The following CADM2 variants were observed in gnomAD, a reference collection of about 807,000 sequenced individuals.
CADM2 encodes the protein immunoglobulin superfamily member 4D.
A neutral mutation model predicts 49.8 loss-of-function variants in CADM2; 12 were observed. That is an observed-to-expected ratio of 0.24 (90% CI 0.15 to 0.39). The LOEUF is 0.39. CADM2 is among the 10% of genes least tolerant of loss of function. CADM2 has a pLI of 1.00. For missense variants in CADM2, 378 were observed against 492.3 expected, an observed-to-expected ratio of 0.77 and a Z score of 2.20; for synonymous variants, 214 against 175.4, an observed-to-expected ratio of 1.22 and a Z score of -1.74.
intron 1 of CADM2, among the ~76,000 whole-genome samples, chr3:85,353,406 T>C (rs1409859181): frequency 6.6e-6 from 1 of 152,152 alleles, no homozygotes; most frequent in Non-Finnish European, 1.5e-5. Flanking sequence ...TTAAAATTTA[T>C]ATTTCACTCC....
intron 1 of CADM2, among the ~76,000 whole-genome samples, chr3:84,969,298 T>A (rs1485365517): frequency 6.6e-6 from 1 of 151,966 alleles, no homozygotes; most frequent in Non-Finnish European, 1.5e-5. Context: ...TTTTGTTTGA[T>A]TATTTTACAC....
intron 1 of CADM2, among the ~76,000 whole-genome samples, chr3:85,254,681 G>A (rs7622974): frequency 0.068 from 10,321 of 152,098 alleles, 1,142 homozygotes; most frequent in African/African-American, 0.23. Flanking sequence ...TGAGACCAGA[G>A]TAACTGTGCA....
chr3:85,704,717 A>G (rs1420440787), intron 1 of CADM2, among the ~76,000 whole-genome samples: 2 of 152,084 alleles, frequency 1.3e-5, no homozygotes, highest in Non-Finnish European at 2.9e-5. Context: ...CCTTAAAAAA[A>G]CTAAGGTATA....
chr3:85,737,310 T>C (rs1295766836), intron 2 of CADM2, among the ~76,000 whole-genome samples: 1 of 152,144 alleles, frequency 6.6e-6, no homozygotes, highest in Admixed American at 6.5e-5. Context: ...ATAAACAATT[T>C]AGGTGGGAGG....
At chr3:85,657,465 A>G (rs890382253) in intron 1 of CADM2, among the ~76,000 whole-genome samples, 1 of 151,988 alleles carries the variant, frequency 6.6e-6, no homozygotes, top group Non-Finnish European at 1.5e-5. Flanking sequence ...TCAAATTACC[A>G]TGAGAAAAGA....
chr3:85,803,884 T>C (rs563023836), intron 3 of CADM2, among the ~76,000 whole-genome samples: 27 of 152,304 alleles, frequency 1.8e-4, no homozygotes, highest in African/African-American at 6.3e-4. Flanking sequence ...CCCAGTCATA[T>C]TGACATTTAA....
Position 85,530,990 on chromosome 3 carries a change from TTAAAATACCCTCTCCA to T in CADM2, c.62-195530_62-195515del, listed in dbSNP as rs2061297603. On this transcript the variant is annotated intron_variant, in intron 1 of 9. Transcript: ENST00000383699. ...AGATTTCTTGTCTGTAACATGAGTTTTAAAATACCCTCTCCATCAGAATACTTTGAAAATTGTGTAT... is the reference window on the plus strand; with the variant it reads ...AGATTTCTTGTCTGTAACATGAGTTTTCAGAATACTTTGAAAATTGTGTAT... Among the ~76,000 whole-genome samples, 8 of 152,052 alleles carry T rather than the reference TTAAAATACCCTCTCCA, an allele frequency of 5.3e-5. No individual in the cohort carries two copies. The South Asian group carries it at 1.5e-3, about 28-fold the overall frequency.
At chr3:85,223,992 C>T (rs772161823) in intron 1 of CADM2, among the ~76,000 whole-genome samples, 5 of 152,258 alleles carry the variant, frequency 3.3e-5, no homozygotes, top group Non-Finnish European at 7.4e-5. Flanking sequence ...TTTACTTTAT[C>T]CAGTCTATCA....
At chr3:85,519,134 A>G (rs2060972127) in intron 1 of CADM2, among the ~76,000 whole-genome samples, 1 of 152,048 alleles carries the variant, frequency 6.6e-6, no homozygotes, top group African/African-American at 2.4e-5. Context: ...CAGAGCATAC[A>G]TTTGTCATTA....
At chr3:84,987,942 T>G (rs966491620) in intron 1 of CADM2, among the ~76,000 whole-genome samples, 1 of 152,120 alleles carries the variant, frequency 6.6e-6, no homozygotes, top group African/African-American at 2.4e-5. Context: ...TGTCATAAAC[T>G]TACTGAACAC....
At chr3:85,491,118 G>A (rs751199022) in intron 1 of CADM2, among the ~76,000 whole-genome samples, 5 of 152,146 alleles carry the variant, frequency 3.3e-5, no homozygotes, top group Non-Finnish European at 4.4e-5. Context: ...ATAAACTGAA[G>A]CTTCTACATT....
intron 1 of CADM2, among the ~76,000 whole-genome samples, chr3:85,635,786 A>G (rs1559957183): frequency 6.6e-6 from 1 of 152,156 alleles, no homozygotes; most frequent in African/African-American, 2.4e-5. Context: ...TCTGAGTTAA[A>G]AATATATGTA....
chr3:86,032,724 A>G (rs953942674), intron 8 of CADM2, among the ~76,000 whole-genome samples: 2 of 151,934 alleles, frequency 1.3e-5, no homozygotes, highest in Non-Finnish European at 2.9e-5. Flanking sequence ...TAGGCAATCA[A>G]TTTTACATTT....
At chr3:85,253,641 T>C (rs2107867695) in intron 1 of CADM2, among the ~76,000 whole-genome samples, 1 of 152,210 alleles carries the variant, frequency 6.6e-6, no homozygotes, top group South Asian at 2.1e-4. Flanking sequence ...TCTAATGTCC[T>C]CCAAGTTTGT....
At chr3:85,407,041 A>G (rs2035416400) in intron 1 of CADM2, among the ~76,000 whole-genome samples, 1 of 152,086 alleles carries the variant, frequency 6.6e-6, no homozygotes, top group African/African-American at 2.4e-5. Context: ...ACAAAAAATA[A>G]AAATAAAAAA....
chr3:85,987,840 C>A (rs1266998540), intron 8 of CADM2, among the ~76,000 whole-genome samples: 1 of 151,484 alleles, frequency 6.6e-6, no homozygotes, highest in South Asian at 2.1e-4. Context: ...AAATGTATTT[C>A]TAGAACATCT....
At chr3:85,021,760 G>T (rs575675411) in intron 1 of CADM2, among the ~76,000 whole-genome samples, 1 of 152,012 alleles carries the variant, frequency 6.6e-6, no homozygotes, top group Non-Finnish European at 1.5e-5. Context: ...GGGTGACAAG[G>T]GCGAAACTCC....
intron 1 of CADM2, among the ~76,000 whole-genome samples, chr3:85,547,049 G>A (rs531625912): frequency 1.3e-5 from 2 of 151,516 alleles, no homozygotes; most frequent in Non-Finnish European, 2.9e-5. Flanking sequence ...AGGGATTCAA[G>A]CTGATAAACA....
At chr3:85,869,973 A>G (rs2075861931) in intron 3 of CADM2, among the ~76,000 whole-genome samples, 1 of 152,048 alleles carries the variant, frequency 6.6e-6, no homozygotes, top group Admixed American at 6.6e-5. Context: ...ATCTGCCTAG[A>G]TTTTAGTTGT....
Sources: gnomAD v4.1 joint callset for allele counts (sites outside exome capture counted in the v4.1 genomes callset) on GRCh38, gnomAD v4.1.1 for gene constraint, MANE v1.5 for transcripts, NCBI Gene and HGNC (gene_info 2026-07-23, HGNC 2026-07-21) for gene names.